Variants in XKR5 observed in about 807,000 individuals in gnomAD.
XKR5 encodes the protein XK-related protein 5.
Under a neutral mutation model 40.8 loss-of-function variants are expected in XKR5, and 46 were observed. The observed-to-expected ratio is 1.13, with a 90% CI of 0.89 to 1.44. The LOEUF is 1.44. XKR5 is among the 40% of genes most tolerant of loss of function. XKR5 has a pLI of 0.00. For synonymous variants in XKR5, 466 were observed against 356.1 expected, an observed-to-expected ratio of 1.31 and a Z score of -3.48; for missense variants, 1,169 against 844.7, an observed-to-expected ratio of 1.38 and a Z score of -4.76.
rs188277894 is a variant in XKR5, at chr8:6,823,584, T to G, written c.574A>C (p.Thr192Pro). Residue 192 changes from threonine to proline, a missense_variant, in exon 4 of 7, where the codon ACC becomes CCC. Physicochemically the swap from Thr to Pro is conservative, Grantham distance 38. Transcript: ENST00000618742. ...QQLWRMGMLG[T>P]RVLSLVLFYK... is the part of the protein sequence containing the mutation. ...AACAGAACCAGACTCAGCACGCGGG[T>G]TCCCAACATGCCCATCCTCCAGAGC... 1.0e-5 allele frequency: 16 copies of G among 1,596,568 alleles called. No individual in the cohort carries two copies. In the African/African-American group the frequency reaches 1.9e-4, roughly 19 times the overall value.
intron 5 of XKR5, among the ~76,000 whole-genome samples, chr8:6,819,856 CTTCCT>C (rs1804151339): frequency 6.6e-6 from 1 of 150,594 alleles, no homozygotes; most frequent in African/African-American, 2.4e-5. Context: ...CCTTCCTTTC[CTTCCT>C]TCCTTCCCTC....
chr8:6,822,590 G>A (rs115235668), intron 4 of XKR5, among the ~76,000 whole-genome samples: 1 of 152,088 alleles, frequency 6.6e-6, no homozygotes, highest in Non-Finnish European at 1.5e-5. Flanking sequence ...GCCAATAACT[G>A]TATTCAATGT....
At chr8:6,815,988 G>A (rs538258630) in intron 5 of XKR5, 70 bp from the exon 6 acceptor site, 31 of 1,186,280 alleles carry the variant, frequency 2.6e-5, no homozygotes, top group African/African-American at 9.1e-5. Flanking sequence ...CGTCCCGTGA[G>A]TCTGCAGCGG....
Position 6,811,981 on chromosome 8 carries a change from A to G in XKR5, c.1278T>C (p.Asp426=). 6.5e-7 allele frequency: 1 copy of G among 1,537,292 alleles called. No individual in the cohort carries two copies. Among genetic ancestry groups the G allele is most frequent in the Non-Finnish European group, 8.7e-7 (1 of 1,146,918 alleles). ...CAGGTGGACAATAGGCAGGACTGTT[A>G]TCTCCAAAGGCGGCATTGATCTTAG... The part of the protein sequence containing the change: ...NVSKINAAFG[D]NSPAYCPPAW... The change falls in exon 7 of 7, where the codon GAT becomes GAC. Residue 426 remains aspartate, a synonymous_variant. Transcript: ENST00000618742.
intron 6 of XKR5, among the ~76,000 whole-genome samples, chr8:6,815,147 G>A (rs573488128): frequency 4.1e-4 from 62 of 152,364 alleles, no homozygotes; most frequent in South Asian, 1.7e-3. Flanking sequence ...GAAGCCTGCT[G>A]TGCTGGGAGA....
At chr8:6,835,410 G>C (rs1804968624) in intron 1 of XKR5, 26 bp downstream of exon 1, 2 of 1,455,464 alleles carry the variant, frequency 1.4e-6, no homozygotes, top group African/African-American at 1.5e-5. Context: ...GCAGGGGTGA[G>C]CACAGCCTCG....
At chr8:6,831,600 G>C (rs1804765912) in intron 2 of XKR5, among the ~76,000 whole-genome samples, 1 of 152,082 alleles carries the variant, frequency 6.6e-6, no homozygotes, top group East Asian at 1.9e-4. Flanking sequence ...TAAACCCCTA[G>C]GACACACAGC....
rs562004172 is a variant in XKR5 at position 6,831,797 on chromosome 8, C to T, written c.242+920G>A. ...TTGGGAGGCCAAGGTGGGCGGATCA[C>T]GAGGTCAGGAGACCGAGACGATGCT... On this transcript the variant is annotated intron_variant, in intron 2 of 6. Transcript: ENST00000618742. Among the ~76,000 whole-genome samples, 131 of 152,228 alleles carry T rather than the reference C, an allele frequency of 8.6e-4. 2 individuals carry two copies. The South Asian group carries it at 0.017, about 19-fold the overall frequency.
intron 2 of XKR5, among the ~76,000 whole-genome samples, chr8:6,830,576 T>C (rs897681724): frequency 1.3e-5 from 2 of 152,244 alleles, no homozygotes; most frequent in Non-Finnish European, 2.9e-5. Context: ...TCTGGCTCTA[T>C]CTTGTTTTCT....
At chr8:6,826,492 G>C (rs1031917064) in intron 2 of XKR5, among the ~76,000 whole-genome samples, 2 of 152,110 alleles carry the variant, frequency 1.3e-5, no homozygotes, top group Non-Finnish European at 2.9e-5. Context: ...TGGAGATCAG[G>C]ATTTGATGAC....
intron 6 of XKR5, 62 bp downstream of exon 6, chr8:6,815,745 T>G: frequency 8.3e-7 from 1 of 1,204,352 alleles, no homozygotes; most frequent in Non-Finnish European, 1.2e-6. Context: ...TTTGAGCCCA[T>G]TGTAAAAAAA....
chr8:6,813,211 G>T (rs1803815613), intron 6 of XKR5, among the ~76,000 whole-genome samples: 1 of 152,208 alleles, frequency 6.6e-6, no homozygotes, highest in Non-Finnish European at 1.5e-5. Flanking sequence ...CTGGTTAGTG[G>T]CCAGGCTCCA....
In XKR5 at chr8:6,808,950, C is replaced by T. The variant is rs879597155; in HGVS notation, c.*2248G>A. 129 of 152,336 alleles carry T rather than the reference C, an allele frequency of 8.5e-4. No individual in the cohort carries two copies. Among genetic ancestry groups the T allele is most frequent in the African/African-American group, 3.0e-3 (126 of 41,560 alleles). 9.4% of individuals were successfully genotyped at this position (152,336 alleles called of 1,614,324 possible). ...CTCTAACGCCTACTTTTGCTGGACA[C>T]TCTGCTGGACCTTGGAGTTAGCCCA... is the stretch of plus-strand genomic sequence containing the variant. On this transcript the variant is annotated 3_prime_UTR_variant, in exon 7 of 7. Coordinates refer to ENST00000618742, the MANE Select transcript of XKR5 (RefSeq NM_207411.5).
At chr8:6,817,783 C>G (rs1804031126) in intron 5 of XKR5, among the ~76,000 whole-genome samples, 2 of 152,176 alleles carry the variant, frequency 1.3e-5, no homozygotes, top group African/African-American at 4.8e-5. Context: ...CTCAAGTACC[C>G]AAGAGCCATC....
At chr8:6,818,022 C>G (rs765009041) in intron 5 of XKR5, among the ~76,000 whole-genome samples, 8 of 152,206 alleles carry the variant, frequency 5.3e-5, no homozygotes, top group Non-Finnish European at 7.3e-5. Flanking sequence ...TCCTTCCTCC[C>G]TTTTTCTCCC....
Position 6,832,904 on chromosome 8 carries a change from G to A in XKR5, c.59-4C>T. On this transcript the variant is annotated splice_region_variant and splice_polypyrimidine_tract_variant and intron_variant, in intron 1 of 6. Transcript: ENST00000618742. ...TAGTAAGCCACGGTGTAAAGGCCTG[G>A]GTGAGAAGGGGAAAGGCAAGCAGGT... 1 of 1,558,932 alleles carries A rather than the reference G, an allele frequency of 6.4e-7. No homozygotes were observed.
intron 2 of XKR5, chr8:6,829,122 T>C (rs139941808): frequency 3.9e-4 from 62 of 160,932 alleles, no homozygotes; most frequent in African/African-American, 1.5e-3. Context: ...TTATATACTT[T>C]TAAATATTAA....
At chr8:6,829,335 G>C (rs1007258318) in intron 2 of XKR5, 4 of 169,110 alleles carry the variant, frequency 2.4e-5, no homozygotes, top group Non-Finnish European at 4.4e-5. Flanking sequence ...AAAGATGTTG[G>C]TAACATACAG....
At position 6,823,612 on chromosome 8, in the gene XKR5, C is replaced by G. The variant is rs933236062; in HGVS notation, c.546G>C (p.Gln182His). The G allele has an allele frequency of 1.9e-6, 3 of 1,595,668 alleles. No individual in the cohort carries two copies. The highest frequency in any genetic ancestry group is 2.7e-5 in the African/African-American group (2 of 74,552). ...LAMPWAALFC[Q>H]QLWRMGMLGT... Reference sequence around the variant, plus strand: ...CCAACATGCCCATCCTCCAGAGCTGCTGGCAGAAGAGGGCGGCCCATGGCA... The same window carrying G: ...CCAACATGCCCATCCTCCAGAGCTGGTGGCAGAAGAGGGCGGCCCATGGCA... The change falls in exon 4 of 7, where the codon CAG (glutamine) becomes CAC (histidine). Residue 182 changes from glutamine to histidine, a missense_variant. By Grantham distance (24) the Gln-to-His change is conservative. Transcript: ENST00000618742.
Sources: gnomAD v4.1 joint callset for allele counts (sites outside exome capture counted in the v4.1 genomes callset) on GRCh38, gnomAD v4.1.1 for gene constraint, MANE v1.5 for transcripts, NCBI Gene and HGNC (gene_info 2026-07-23, HGNC 2026-07-21) for gene names.